MEF2C: variants seen among roughly 807,000 people sequenced by gnomAD.
The protein encoded by MEF2C is myocyte enhancer factor 2C, also known as myocyte-specific enhancer factor 2C.
A neutral mutation model predicts 50.5 loss-of-function variants in MEF2C; 6 were observed. That is an observed-to-expected ratio of 0.12 (90% CI 0.07 to 0.23). The LOEUF is 0.23. MEF2C is among the 10% of genes least tolerant of loss of function. MEF2C has a pLI of 1.00. For synonymous variants in MEF2C, 183 were observed against 228.0 expected (o/e 0.80, Z 1.78); for missense variants, 276 against 605.0 (o/e 0.46, Z 5.70).
At chr5:88,872,871 T>C (rs1447797176) in intron 1 of MEF2C, among the ~76,000 whole-genome samples, 1 of 152,020 alleles carries the variant, frequency 6.6e-6, no homozygotes, top group Admixed American at 6.6e-5. Context: ...TTATTGTTTA[T>C]GGACATGTTT....
chr5:88,774,521 A>G (rs1416839452), intron 3 of MEF2C, among the ~76,000 whole-genome samples: 1 of 151,890 alleles, frequency 6.6e-6, no homozygotes, highest in African/African-American at 2.4e-5. Context: ...ACGGGGTTTC[A>G]CCGTGTTAGC....
chr5:88,746,098 T>C (rs1459138723), intron 6 of MEF2C, among the ~76,000 whole-genome samples: 1 of 152,220 alleles, frequency 6.6e-6, no homozygotes, highest in African/African-American at 2.4e-5. Flanking sequence ...AGGGATAAGA[T>C]ATTCACTGTT....
At chr5:88,781,976 C>CAAAAG in intron 3 of MEF2C, 1 of 321,984 alleles carries the variant, frequency 3.1e-6, no homozygotes, top group Non-Finnish European at 4.5e-6. Flanking sequence ...CTGTCAAAAA[C>CAAAAG]AAAACAAAAC....
intron 2 of MEF2C, among the ~76,000 whole-genome samples, chr5:88,813,712 C>T (rs972017962): frequency 4.6e-5 from 7 of 152,166 alleles, no homozygotes; most frequent in South Asian, 4.1e-4. Flanking sequence ...ATATTTTTAG[C>T]CTAATCTTAA....
chr5:88,884,491 G>A (rs944546726), upstream of MEF2C: 3 of 152,146 alleles, frequency 2.0e-5, no homozygotes, highest in African/African-American at 7.2e-5. Context: ...ATAATTACCA[G>A]TATTTGAGAT....
At position 88,749,114 on chromosome 5, in the gene MEF2C, C is replaced by A; in HGVS notation, c.593G>T (p.Gly198Val). 6.4e-7 allele frequency: 1 copy of A among 1,571,726 alleles called. No homozygotes were observed. Among genetic ancestry groups the A allele is most frequent in the Non-Finnish European group, 8.6e-7 (1 of 1,158,010 alleles). The change falls in exon 6 of 11, where the codon GGT (glycine) becomes GTT (valine). Residue 198 changes from glycine to valine, a missense_variant. Gly to Val is a moderately radical substitution (Grantham distance 109). Coordinates refer to ENST00000504921, the MANE Select transcript of MEF2C (RefSeq NM_002397.5). ...HRPPSAGNTG[G>V]LMGGDLTSGA... is the part of the protein sequence containing the mutation. ...AGACGTGAGGTCTCCACCCATCAGACCACCTATGGATTAAAGAGGAAGATC... is the reference window on the plus strand; with the variant it reads ...AGACGTGAGGTCTCCACCCATCAGAACACCTATGGATTAAAGAGGAAGATC...
intron 1 of MEF2C, among the ~76,000 whole-genome samples, chr5:88,893,343 C>T (rs1485988870): frequency 3.4e-5 from 5 of 147,020 alleles, no homozygotes; most frequent in Middle Eastern, 3.6e-3. Flanking sequence ...TGGAGTCTTG[C>T]TCTGTTGCCC....
At chr5:88,800,402 T>C (rs1797867025) in intron 3 of MEF2C, among the ~76,000 whole-genome samples, 1 of 152,232 alleles carries the variant, frequency 6.6e-6, no homozygotes, top group Non-Finnish European at 1.5e-5. Flanking sequence ...TTTTTGCATA[T>C]ATGTTTTACA....
intron 6 of MEF2C, chr5:88,741,938 T>C: frequency 1.0e-6 from 1 of 985,092 alleles, no homozygotes; most frequent in Non-Finnish European, 1.2e-6. Context: ...CTTGGTATAA[T>C]ACTTAAGTTT....
At chr5:88,751,755 A>C in intron 5 of MEF2C, 102 bp downstream of exon 5, 1 of 1,309,788 alleles carries the variant, frequency 7.6e-7, no homozygotes, top group Non-Finnish European at 1.1e-6. Flanking sequence ...AAGGAGAGTA[A>C]GTGGAAAACC....
chr5:88,773,965 G>A (rs1199464098), intron 3 of MEF2C, among the ~76,000 whole-genome samples: 1 of 152,196 alleles, frequency 6.6e-6, no homozygotes, highest in Non-Finnish European at 1.5e-5. Flanking sequence ...AGGTATAATG[G>A]GTAGATGGTT....
chr5:88,800,853 C>T (rs1798032792), intron 3 of MEF2C, among the ~76,000 whole-genome samples: 1 of 152,122 alleles, frequency 6.6e-6, no homozygotes, highest in South Asian at 2.1e-4. Flanking sequence ...AACACATTTA[C>T]TAAATCTGGC....
chr5:88,766,825 A>C, intron 3 of MEF2C: 1 of 985,446 alleles, frequency 1.0e-6, no homozygotes, highest in Non-Finnish European at 1.2e-6. Flanking sequence ...TCATGTTCAC[A>C]CAAAAACCAA....
chr5:88,863,812 G>T (rs1826312850), intron 1 of MEF2C, among the ~76,000 whole-genome samples: 1 of 148,878 alleles, frequency 6.7e-6, no homozygotes, highest in South Asian at 2.1e-4. Flanking sequence ...GCAAATGACA[G>T]AATTTCTTTT....
chr5:88,877,157 T>C (rs913186028), intron 1 of MEF2C, among the ~76,000 whole-genome samples: 4 of 152,078 alleles, frequency 2.6e-5, no homozygotes, highest in African/African-American at 9.7e-5. Context: ...AGAGTAATGA[T>C]TCCTGAAGAA....
intron 4 of MEF2C, among the ~76,000 whole-genome samples, chr5:88,753,886 C>CA (rs1434686239): frequency 7.9e-5 from 12 of 152,056 alleles, no homozygotes; most frequent in Non-Finnish European, 1.8e-4. Flanking sequence ...CTTTTAACAA[C>CA]AAAAAATCAG....
chr5:88,802,804 C>T (rs1050253992), intron 3 of MEF2C, among the ~76,000 whole-genome samples: 1 of 152,126 alleles, frequency 6.6e-6, no homozygotes, highest in African/African-American at 2.4e-5. Flanking sequence ...TAAGAAAAAC[C>T]CTCAGAAGAT....
chr5:88,759,185 A>G (rs1461500685), intron 4 of MEF2C, among the ~76,000 whole-genome samples: 1 of 152,224 alleles, frequency 6.6e-6, no homozygotes, highest in Admixed American at 6.5e-5. Flanking sequence ...CATAAGAACT[A>G]AAAATTGGCC....
At chr5:88,839,315 C>T (rs1289867125) in intron 1 of MEF2C, 2 of 137,796 alleles carry the variant, frequency 1.5e-5, no homozygotes, top group African/African-American at 5.4e-5. Context: ...GCAACAACGC[C>T]ACATTATCTC....
Sources: gnomAD v4.1 joint callset for allele counts (sites outside exome capture counted in the v4.1 genomes callset) on GRCh38, gnomAD v4.1.1 for gene constraint, MANE v1.5 for transcripts, NCBI Gene and HGNC (gene_info 2026-07-23, HGNC 2026-07-21) for gene names.